The following ZNF106 variants were observed in gnomAD, a reference collection of about 807,000 sequenced individuals.
ZNF106 encodes zinc finger protein 106, also known as SH3-domain binding protein 3.
A neutral mutation model predicts 195.1 loss-of-function variants in ZNF106; 67 were observed. The ratio of observed to expected loss-of-function variants is 0.34; its 90% CI spans 0.28 to 0.42. ZNF106 has a LOEUF of 0.42. Ranked by LOEUF, ZNF106 falls within the 10% of genes least tolerant of loss-of-function variation. The pLI is 1.00. For missense variants in ZNF106, 2,118 were observed against 2,304.5 expected, an observed-to-expected ratio of 0.92 and a Z score of 1.66; for synonymous variants, 784 against 818.6, an observed-to-expected ratio of 0.96 and a Z score of 0.72.
intron 4 of ZNF106, among the ~76,000 whole-genome samples, chr15:42,454,603 T>G (rs60569090): frequency 0.25 from 38,055 of 151,864 alleles, 5,939 homozygotes; most frequent in African/African-American, 0.43. Context: ...GATGATTTTG[T>G]CCAGGTGTGG....
rs1034244023 is a variant in ZNF106, at chr15:42,413,366, C to T, written c.*3938G>A. ...GATGATTTGGGGGCAGGGATAAAACCATTATTTTATAAATGTGGCAGGTAT... is the reference window on the plus strand; with the variant it reads ...GATGATTTGGGGGCAGGGATAAAACTATTATTTTATAAATGTGGCAGGTAT... On this transcript the variant is annotated 3_prime_UTR_variant, in exon 22 of 22. Transcript: ENST00000564754. 3 of 152,170 alleles carry T rather than the reference C, an allele frequency of 2.0e-5. No homozygotes were observed. The highest frequency in any genetic ancestry group is 7.2e-5 in the African/African-American group (3 of 41,422). The allele number at this position is 152,170 out of a possible 1,614,324, so 9.4% of individuals were successfully genotyped here.
chr15:42,462,464 T>C (rs2056414988), intron 3 of ZNF106, among the ~76,000 whole-genome samples: 1 of 151,992 alleles, frequency 6.6e-6, no homozygotes, highest in South Asian at 2.1e-4. Flanking sequence ...CCGGCATGGT[T>C]GCGCGTGCCT....
intron 3 of ZNF106, among the ~76,000 whole-genome samples, chr15:42,459,471 G>A (rs763628140): frequency 1.1e-4 from 17 of 151,968 alleles, no homozygotes; most frequent in African/African-American, 2.4e-4. Flanking sequence ...GTGAGACTCC[G>A]TCTCAAAAAG....
At position 42,472,278 on chromosome 15, in the gene ZNF106, T is replaced by C. The variant is rs1244340305; in HGVS notation, c.12A>G (p.Glu4=). The C allele has an allele frequency of 2.6e-6, 4 of 1,535,858 alleles. No individual in the cohort carries two copies. In the African/African-American group the frequency reaches 5.5e-5, roughly 21 times the overall value. ...CGATGTGGCATAATATGCATTTTCGTTCTCGTACCATAGTGACCAGATCTG... is the reference window on the plus strand; with the variant it reads ...CGATGTGGCATAATATGCATTTTCGCTCTCGTACCATAGTGACCAGATCTG... MVR[E]RKCILCHIVY... Residue 4 remains glutamate (E), a synonymous_variant, in exon 2 of 22, where the codon GAA becomes GAG. Coordinates refer to ENST00000564754, the MANE Select transcript of ZNF106 (RefSeq NM_001366845.3).
chr15:42,456,655 T>TA (rs139288961), intron 4 of ZNF106, among the ~76,000 whole-genome samples: 2,157 of 133,064 alleles, frequency 0.016, 29 homozygotes, highest in South Asian at 0.042. Flanking sequence ...GACTCCATCT[T>TA]AAAAAAAAAA....
chr15:42,432,698 C>G (rs1486927839), intron 14 of ZNF106, among the ~76,000 whole-genome samples: 1 of 139,058 alleles, frequency 7.2e-6, no homozygotes, highest in Non-Finnish European at 1.5e-5. Context: ...CATAGCAAGA[C>G]CGTATTTCTA....
chr15:42,449,281 CAA>C (rs2055893016), intron 5 of ZNF106, among the ~76,000 whole-genome samples: 1 of 152,164 alleles, frequency 6.6e-6, no homozygotes, highest in Admixed American at 6.5e-5. Flanking sequence ...AAATATTACA[CAA>C]GCGCTTAAGA....
Position 42,484,337 on chromosome 15 carries a change from T to A in ZNF106, c.-33+6643A>T, listed in dbSNP as rs528507230. 3.3e-5 allele frequency among the ~76,000 whole-genome samples: 5 copies of A among 152,312 alleles called. No individual in the cohort carries two copies. In the South Asian group the frequency reaches 1.0e-3, roughly 32 times the overall value. On this transcript the variant is annotated intron_variant, in intron 1 of 21. Transcript: ENST00000564754. The stretch of plus-strand genomic sequence containing the variant: ...ATAAAAATGAAAAATTAAAGGAAAG[T>A]GAGTTATAAAGTAACATGTATATCA...
chr15:42,433,488 T>C lies in ZNF106; in HGVS notation c.4881+1896A>G, dbSNP rs542726073. 2.2e-4 allele frequency among the ~76,000 whole-genome samples: 33 copies of C among 151,082 alleles called. 1 individual carries two copies. Among genetic ancestry groups the C allele is most frequent in the Non-Finnish European group, 3.1e-4 (21 of 67,812 alleles). On this transcript the variant is annotated intron_variant, in intron 14 of 21. Transcript: ENST00000564754. ...CTTTGCATTGTTCTTTTTTTTTTCT[T>C]TTCTTTTTTTTTTGGACAGAGTCTT... is the stretch of plus-strand genomic sequence containing the variant.
rs1451022446 is a variant in ZNF106, at chr15:42,413,197, G to T, written c.*4107C>A. On this transcript the variant is annotated 3_prime_UTR_variant, in exon 22 of 22. Coordinates refer to ENST00000564754, the MANE Select transcript of ZNF106 (RefSeq NM_001366845.3). ...ATACTTGGGCTTGGAGGTGAGGTTA[G>T]AGGTTACTGTCTAATACAGTAGGTC... 6.6e-6 allele frequency: 1 copy of T among 152,182 alleles called. No homozygotes were observed. The highest frequency in any genetic ancestry group is 1.5e-5 in the Non-Finnish European group (1 of 68,022). The allele number at this position is 152,182 out of a possible 1,614,324, so 9.4% of individuals were successfully genotyped here.
At chr15:42,470,474 AAAAAAT>A (rs1373355036) in intron 2 of ZNF106, among the ~76,000 whole-genome samples, 3 of 152,190 alleles carry the variant, frequency 2.0e-5, no homozygotes, top group African/African-American at 7.2e-5. Context: ...ATAAAAAGGC[AAAAAAT>A]AAAAATAAAA....
intron 13 of ZNF106, among the ~76,000 whole-genome samples, 168 bp downstream of exon 13, chr15:42,437,064 A>G (rs1447211396): frequency 6.6e-6 from 1 of 152,230 alleles, no homozygotes; most frequent in Non-Finnish European, 1.5e-5. Flanking sequence ...AAAGAAATTA[A>G]GTCCCCAGTG....
At chr15:42,440,133 C>T (rs2055445617) in intron 10 of ZNF106, among the ~76,000 whole-genome samples, 1 of 152,212 alleles carries the variant, frequency 6.6e-6, no homozygotes, top group Admixed American at 6.5e-5. Context: ...TTAGTAGACA[C>T]TTAAATGTCT....
rs1406329582 is a variant in ZNF106 at position 42,446,576 on chromosome 15, T to C, written c.3205+13A>G. The C allele has an allele frequency of 6.3e-7, 1 of 1,580,966 alleles. No individual in the cohort carries two copies. Among genetic ancestry groups the C allele is most frequent in the Admixed American group, 1.8e-5 (1 of 56,282 alleles). On this transcript the variant is annotated intron_variant, in intron 7 of 21. Coordinates refer to ENST00000564754, the MANE Select transcript of ZNF106 (RefSeq NM_001366845.3). ...ACACCAACTTCTTTCTTCCAAAATA[T>C]TCTGCACCATACCTTTTTTTCCTTT... is the stretch of plus-strand genomic sequence containing the variant.
intron 3 of ZNF106, among the ~76,000 whole-genome samples, chr15:42,459,089 AC>A (rs377122544): frequency 2.0e-5 from 3 of 152,320 alleles, no homozygotes; most frequent in African/African-American, 7.2e-5. Flanking sequence ...ATACCTGATT[AC>A]CCAGAATATC....
Position 42,457,527 on chromosome 15 carries a change from G to A in ZNF106, c.117-369C>T. 4 of 1,098,482 alleles carry A rather than the reference G, an allele frequency of 3.6e-6. No individual in the cohort carries two copies. The South Asian group carries it at 1.1e-4, about 32-fold the overall frequency. 68.0% of individuals were successfully genotyped at this position (1,098,482 alleles called of 1,614,324 possible). ...CTGGAGCACACCCATGGTGCCAGCT[G>A]CACTCAGAAGGCCTGGTGACAGCGC... On this transcript the variant is annotated intron_variant, in intron 3 of 21. Coordinates refer to ENST00000564754, the MANE Select transcript of ZNF106 (RefSeq NM_001366845.3).
intron 14 of ZNF106, among the ~76,000 whole-genome samples, chr15:42,433,829 TTC>T (rs2055161907): frequency 6.6e-6 from 1 of 152,150 alleles, no homozygotes; most frequent in African/African-American, 2.4e-5. Flanking sequence ...GAAATGTAAA[TTC>T]TTTTTGTTTG....
At chr15:42,459,719 T>C (rs17709287) in intron 3 of ZNF106, among the ~76,000 whole-genome samples, 2,891 of 152,136 alleles carry the variant, frequency 0.019, 48 homozygotes, top group Middle Eastern at 0.041. Flanking sequence ...CTATAAACAT[T>C]CCAATCAACT....
rs539195429 is a variant in ZNF106 at position 42,424,148 on chromosome 15, T to C, written c.5191-88A>G. On this transcript the variant is annotated intron_variant, in intron 16 of 21. Transcript: ENST00000564754. ...TAATACACATTGGCAAATTCTAATT[T>C]CCATCCTATTTTGAGATGAGCACGA... The C allele has an allele frequency of 3.2e-5, 37 of 1,171,160 alleles. No individual in the cohort carries two copies. The East Asian group carries it at 8.5e-4, about 27-fold the overall frequency. 72.5% of individuals were successfully genotyped at this position (1,171,160 alleles called of 1,614,324 possible).
Sources: gnomAD v4.1 joint callset for allele counts (sites outside exome capture counted in the v4.1 genomes callset) on GRCh38, gnomAD v4.1.1 for gene constraint, MANE v1.5 for transcripts, NCBI Gene and HGNC (gene_info 2026-07-23, HGNC 2026-07-21) for gene names.